The following SLIT2 variants were observed in gnomAD, a reference collection of about 807,000 sequenced individuals.
SLIT2 encodes the protein slit homolog 2 protein.
In SLIT2, 41 loss-of-function variants were observed where a neutral mutation model predicts 185.7. That is an observed-to-expected ratio of 0.22 (90% CI 0.17 to 0.29). The LOEUF (loss-of-function observed/expected upper bound fraction) is 0.29, where lower values mean the gene tolerates loss of function less well. SLIT2 is among the 10% of genes least tolerant of loss of function. SLIT2 has a pLI of 1.00. For synonymous variants in SLIT2, 693 were observed against 680.2 expected (o/e 1.02, Z -0.29); for missense variants, 1,571 against 1,909.0 (o/e 0.82, Z 3.30).
intron 4 of SLIT2, among the ~76,000 whole-genome samples, chr4:20,431,935 A>ATC (rs749251322): frequency 2.0e-5 from 3 of 151,344 alleles, no homozygotes; most frequent in Non-Finnish European, 3.0e-5. Flanking sequence ...TGATAACTAA[A>ATC]TCTCTCTCTC....
chr4:20,420,752 G>C (rs1173297426), intron 4 of SLIT2, among the ~76,000 whole-genome samples: 1 of 152,084 alleles, frequency 6.6e-6, no homozygotes, highest in Non-Finnish European at 1.5e-5. Flanking sequence ...GGTATTTAGA[G>C]GGGGGTACTT....
Position 20,472,460 on chromosome 4 carries a change from CTATATCTATA to C in SLIT2, c.467+4642_467+4651del, listed in dbSNP as rs1407477909. ...TAGATATATATCTATATAGATATATCTATATCTATATATAGATATATATCTATATATAGAT... is the reference window on the plus strand; with the variant it reads ...TAGATATATATCTATATAGATATATCTATAGATATATATCTATATATAGAT... On this transcript the variant is annotated intron_variant, in intron 5 of 36. Transcript: ENST00000504154. Among the ~76,000 whole-genome samples, 2 of 26,358 alleles carry C rather than the reference CTATATCTATA, an allele frequency of 7.6e-5. 1 individual carries two copies. The highest frequency in any genetic ancestry group is 3.1e-4 in the African/African-American group (2 of 6,520). 17.3% of individuals were successfully genotyped at this position (26,358 alleles called of 152,430 possible).
intron 4 of SLIT2, among the ~76,000 whole-genome samples, chr4:20,452,369 G>T (rs1407020127): frequency 6.6e-6 from 1 of 152,122 alleles, no homozygotes; most frequent in Non-Finnish European, 1.5e-5. Flanking sequence ...TTAGTGTTGT[G>T]AATATTAAAT....
chr4:20,318,864 C>T (rs1718816445), intron 4 of SLIT2, among the ~76,000 whole-genome samples: 1 of 152,150 alleles, frequency 6.6e-6, no homozygotes, highest in Admixed American at 6.5e-5. Flanking sequence ...TTGGATTCCA[C>T]TCTGGGGACT....
chr4:20,573,813 T>C (rs1267631746), intron 29 of SLIT2, among the ~76,000 whole-genome samples: 1 of 152,094 alleles, frequency 6.6e-6, no homozygotes, highest in Non-Finnish European at 1.5e-5. Context: ...ATTTGTGTTA[T>C]AGGATACCGT....
In SLIT2 at chr4:20,596,448, C is replaced by T; in HGVS notation, c.3354C>T (p.Val1118=). ...GLFCEFSPPM[V]LPRTSPCDNF... is the part of the protein sequence containing the mutation. ...TCTGTGAGTTTTCTCCACCCATGGT[C>T]CTCCCTCGTACCAGCCCCTGTGATA... Residue 1118 remains valine, a synonymous_variant, in exon 32 of 37, where the codon GTC becomes GTT. Coordinates refer to ENST00000504154, the MANE Select transcript of SLIT2 (RefSeq NM_004787.4). The T allele has an allele frequency of 1.2e-6, 2 of 1,613,952 alleles. No homozygotes were observed. Among genetic ancestry groups the T allele is most frequent in the Non-Finnish European group, 1.7e-6 (2 of 1,179,900 alleles).
chr4:20,564,024 TG>T (rs1724897485), intron 26 of SLIT2, among the ~76,000 whole-genome samples: 2 of 151,916 alleles, frequency 1.3e-5, no homozygotes, highest in Admixed American at 1.3e-4. Context: ...ACTGATCAAG[TG>T]TGGAAAATTC....
intron 4 of SLIT2, among the ~76,000 whole-genome samples, chr4:20,433,898 A>AC (rs368062732): frequency 3.9e-4 from 59 of 151,924 alleles, no homozygotes; most frequent in Middle Eastern, 3.4e-3. Flanking sequence ...ACTAATTCTG[A>AC]CCCCCCCAAA....
rs867152940 is a variant in SLIT2 at position 20,283,117 on chromosome 4, C to T, written c.395+14236C>T. 4.0e-5 allele frequency among the ~76,000 whole-genome samples: 5 copies of T among 124,202 alleles called. No homozygotes were observed. In the South Asian group the frequency reaches 8.3e-4, roughly 21 times the overall value. 81.5% of individuals were successfully genotyped at this position (124,202 alleles called of 152,430 possible). A position where few individuals can be genotyped will look rare whatever the true frequency, so the allele number is the denominator to read the frequency against. Reference sequence around the variant, plus strand: ...TGTTGCCTGTGTGCCTGTGTGCGCGCGCGCACACACACACACACACACACA... The same window carrying T: ...TGTTGCCTGTGTGCCTGTGTGCGCGTGCGCACACACACACACACACACACA... On this transcript the variant is annotated intron_variant, in intron 4 of 36. Transcript: ENST00000504154.
chr4:20,492,031 G>A (rs1717828647), intron 9 of SLIT2, 132 bp downstream of exon 9: 2 of 783,152 alleles, frequency 2.6e-6, no homozygotes, highest in Admixed American at 2.8e-5. Flanking sequence ...CTTCAGAAAT[G>A]TATTGATTCT....
chr4:20,559,922 T>C (rs1724562176), intron 26 of SLIT2, among the ~76,000 whole-genome samples: 1 of 151,958 alleles, frequency 6.6e-6, no homozygotes, highest in Admixed American at 6.6e-5. Context: ...CCTCAAAAGC[T>C]TTACTAGAAA....
At chr4:20,275,390 C>A (rs909192382) in intron 4 of SLIT2, among the ~76,000 whole-genome samples, 6 of 152,012 alleles carry the variant, frequency 3.9e-5, no homozygotes, top group African/African-American at 1.4e-4. Flanking sequence ...GGGGATAGCA[C>A]AGTAAAATTT....
chr4:20,464,241 G>A (rs1714094340), intron 4 of SLIT2, among the ~76,000 whole-genome samples: 1 of 152,024 alleles, frequency 6.6e-6, no homozygotes, highest in Non-Finnish European at 1.5e-5. Context: ...AACTAAATTT[G>A]AACCTTTGAC....
intron 4 of SLIT2, among the ~76,000 whole-genome samples, chr4:20,357,920 A>G (rs1722457938): frequency 6.6e-6 from 1 of 152,114 alleles, no homozygotes; most frequent in Non-Finnish European, 1.5e-5. Flanking sequence ...CATCATATCC[A>G]TTCAAGTTTA....
intron 10 of SLIT2, among the ~76,000 whole-genome samples, chr4:20,510,823 A>G: frequency 6.6e-6 from 1 of 152,318 alleles, no homozygotes; most frequent in South Asian, 2.1e-4. Context: ...ATATGAACAT[A>G]TGTTCAGGTG....
At position 20,472,386 on chromosome 4, in the gene SLIT2, G is replaced by GAGATATAGATATCTATATCTATATA. The variant is rs1560453735; in HGVS notation, c.467+4563_467+4564insAGATATAGATATCTATATCTATATA. ...TATAGATATCTATATCTATATATAT[G>GAGATATAGATATCTATATCTATATA]TAGATATATAGATATAGATATCTAT... On this transcript the variant is annotated intron_variant, in intron 5 of 36. Coordinates refer to ENST00000504154, the MANE Select transcript of SLIT2 (RefSeq NM_004787.4). Among the ~76,000 whole-genome samples the GAGATATAGATATCTATATCTATATA allele has an allele frequency of 4.1e-3, 156 of 38,396 alleles. 14 individuals are homozygous for GAGATATAGATATCTATATCTATATA. The highest frequency in any genetic ancestry group is 0.02 in the African/African-American group (141 of 7,014). 25.2% of individuals were successfully genotyped at this position (38,396 alleles called of 152,430 possible).
At chr4:20,261,921 T>C (rs990437525) in intron 3 of SLIT2, among the ~76,000 whole-genome samples, 1 of 151,794 alleles carries the variant, frequency 6.6e-6, no homozygotes, top group Non-Finnish European at 1.5e-5. Context: ...TTAAGACAAA[T>C]ATTGCTTTAA....
chr4:20,310,710 A>G (rs1259874109), intron 4 of SLIT2, among the ~76,000 whole-genome samples: 1 of 152,076 alleles, frequency 6.6e-6, no homozygotes, highest in Non-Finnish European at 1.5e-5. Context: ...TTATTCTGGA[A>G]GCTCTTTCAT....
intron 34 of SLIT2, among the ~76,000 whole-genome samples, chr4:20,612,298 C>A (rs1729281264): frequency 6.7e-6 from 1 of 149,286 alleles, no homozygotes; most frequent in Non-Finnish European, 1.5e-5. Context: ...CAGAACATTC[C>A]CCCGCCCCCC....
Sources: allele counts gnomAD v4.1 joint callset (sites outside exome capture counted in the v4.1 genomes callset), GRCh38; gene constraint gnomAD v4.1.1; transcripts MANE v1.5; gene names NCBI Gene and HGNC (gene_info 2026-07-23, HGNC 2026-07-21).